The following RNF180 variants were observed in gnomAD, a reference collection of about 807,000 sequenced individuals.
The protein encoded by RNF180 is E3 ubiquitin-protein ligase RNF180.
Under a neutral mutation model 59.2 loss-of-function variants are expected in RNF180, and 38 were observed. The observed-to-expected ratio is 0.64, with a 90% confidence interval of 0.50 to 0.84. The LOEUF (loss-of-function observed/expected upper bound fraction) is 0.84. Among genes scored for constraint, RNF180 ranks in the 40% least tolerant of loss-of-function variants. The pLI is 0.00. For missense variants in RNF180, 705 were observed against 700.9 expected, an observed-to-expected ratio of 1.01 and a Z score of -0.07; for synonymous variants, 262 against 240.3, an observed-to-expected ratio of 1.09 and a Z score of -0.84.
chr5:64,323,639 T>C (rs1403872844), intron 5 of RNF180, among the ~76,000 whole-genome samples: 1 of 152,190 alleles, frequency 6.6e-6, no homozygotes, highest in Non-Finnish European at 1.5e-5. Context: ...AAAAACATTC[T>C]CAAGGCTTTA....
At chr5:64,369,011 G>A (rs1050260678) in intron 7 of RNF180, among the ~76,000 whole-genome samples, 3 of 151,876 alleles carry the variant, frequency 2.0e-5, no homozygotes, top group East Asian at 1.9e-4. Context: ...ACGTGCACAC[G>A]TATGTTTATT....
At position 64,188,117 on chromosome 5, in the gene RNF180, G is replaced by A. The variant is rs1435913512; in HGVS notation, c.1-12691G>A. Among the ~76,000 whole-genome samples, 5 of 152,120 alleles carry A rather than the reference G, an allele frequency of 3.3e-5. No individual in the cohort carries two copies. In the East Asian group the frequency reaches 9.6e-4, roughly 29 times the overall value. On this transcript the variant is annotated intron_variant, in intron 1 of 7. Coordinates refer to ENST00000389100, the MANE Select transcript of RNF180 (RefSeq NM_001113561.2). ...TTACAAAATAATTAATATCTGTGCAGCTCATCTGACAGAGTTATTATGTAT... is the reference window on the plus strand; with the variant it reads ...TTACAAAATAATTAATATCTGTGCAACTCATCTGACAGAGTTATTATGTAT...
At chr5:64,217,243 TATCC>T (rs1050266873) in intron 4 of RNF180, 114 bp from the exon 5 acceptor site, 5 of 1,168,268 alleles carry the variant, frequency 4.3e-6, no homozygotes, top group Non-Finnish European at 5.5e-6. Flanking sequence ...ATCCACAGTT[TATCC>T]ATTCAGCTGC....
intron 1 of RNF180, among the ~76,000 whole-genome samples, chr5:64,167,934 C>T (rs1194648926): frequency 6.6e-6 from 1 of 152,072 alleles, no homozygotes; most frequent in Admixed American, 6.6e-5. Context: ...TTGAACTCCA[C>T]GGAAGAAAGC....
At chr5:64,199,164 G>A (rs1751603268) in intron 1 of RNF180, among the ~76,000 whole-genome samples, 1 of 152,184 alleles carries the variant, frequency 6.6e-6, no homozygotes, top group Non-Finnish European at 1.5e-5. Context: ...TTAAAATGGA[G>A]TGGTCAACTG....
Position 64,369,682 on chromosome 5 carries a change from C to A in RNF180, c.1647C>A (p.Tyr549Ter), listed in dbSNP as rs1345274944. The change falls in exon 8 of 8, where the codon TAC (tyrosine) becomes TAA (stop). Residue 549 changes from tyrosine (Y) to a stop codon, truncating the protein, a stop_gained. Coordinates refer to ENST00000389100, the MANE Select transcript of RNF180 (RefSeq NM_001113561.2). LOFTEE classifies it high-confidence loss of function. ...CACACGGTGCACACAGGATGGATTACCTGCACTTTGAGGATGATAGCCGTG... is the reference window on the plus strand; with the variant it reads ...CACACGGTGCACACAGGATGGATTAACTGCACTTTGAGGATGATAGCCGTG... ...QFPHGAHRMD[Y>*]LHFEDDSRGW... 6.5e-7 allele frequency: 1 copy of A among 1,547,266 alleles called. No homozygotes were observed. Among genetic ancestry groups the A allele is most frequent in the African/African-American group, 1.4e-5 (1 of 72,696 alleles).
intron 5 of RNF180, among the ~76,000 whole-genome samples, chr5:64,228,884 G>A (rs1316787412): frequency 1.4e-5 from 2 of 141,674 alleles, no homozygotes; most frequent in Non-Finnish European, 3.1e-5. Flanking sequence ...AAAATTGAAT[G>A]ATAATCCATG....
At chr5:64,309,028 C>A (rs2112475778) in intron 5 of RNF180, among the ~76,000 whole-genome samples, 1 of 151,714 alleles carries the variant, frequency 6.6e-6, no homozygotes, top group East Asian at 1.9e-4. Flanking sequence ...ACCCTCCTTC[C>A]AGCCTAATCC....
chr5:64,226,688 T>G (rs1167883162), intron 5 of RNF180, among the ~76,000 whole-genome samples: 2 of 152,108 alleles, frequency 1.3e-5, no homozygotes, highest in South Asian at 2.1e-4. Context: ...AGAAAAAATT[T>G]TTGTTGTTTT....
At chr5:64,280,385 AG>A (rs1741947050) in intron 5 of RNF180, among the ~76,000 whole-genome samples, 1 of 152,112 alleles carries the variant, frequency 6.6e-6, no homozygotes, top group Non-Finnish European at 1.5e-5. Flanking sequence ...AATCTTTGCC[AG>A]GGCCTATGAC....
intron 1 of RNF180, among the ~76,000 whole-genome samples, chr5:64,168,604 T>C (rs1749771379): frequency 6.6e-6 from 1 of 152,204 alleles, no homozygotes; most frequent in Admixed American, 6.5e-5. Context: ...CAATGTTAGA[T>C]TGGGAGTGTA....
At chr5:64,360,474 A>G (rs1746209114) in intron 7 of RNF180, among the ~76,000 whole-genome samples, 1 of 151,764 alleles carries the variant, frequency 6.6e-6, no homozygotes, top group African/African-American at 2.4e-5. Context: ...AAAAACTGGA[A>G]GCATTCCCTT....
intron 5 of RNF180, among the ~76,000 whole-genome samples, chr5:64,323,449 G>A (rs1352553485): frequency 6.6e-6 from 1 of 152,080 alleles, no homozygotes; most frequent in Admixed American, 6.5e-5. Flanking sequence ...GCTGAGGCAG[G>A]ACAATCACTT....
At position 64,369,879 on chromosome 5, in the gene RNF180, T is replaced by G; in HGVS notation, c.*65T>G. Reference sequence around the variant, plus strand: ...TGTAAATAACAATTGCTTAAACATTTTTAAATGTGCTTTGAAGTTTTTTTA... The same window carrying G: ...TGTAAATAACAATTGCTTAAACATTGTTAAATGTGCTTTGAAGTTTTTTTA... On this transcript the variant is annotated 3_prime_UTR_variant, in exon 8 of 8. Coordinates refer to ENST00000389100, the MANE Select transcript of RNF180 (RefSeq NM_001113561.2). 1 of 948,828 alleles carries G rather than the reference T, an allele frequency of 1.1e-6. No homozygotes were observed. The highest frequency in any genetic ancestry group is 1.5e-6 in the Non-Finnish European group (1 of 676,290). The allele number at this position is 948,828 out of a possible 1,614,324, so 58.8% of individuals were successfully genotyped here.
At chr5:64,268,910 C>G (rs1266549810) in intron 5 of RNF180, among the ~76,000 whole-genome samples, 3 of 152,102 alleles carry the variant, frequency 2.0e-5, no homozygotes, top group Admixed American at 2.0e-4. Context: ...TATATTGATT[C>G]ATAGCACAGC....
chr5:64,307,056 C>G (rs1196018825), intron 5 of RNF180, among the ~76,000 whole-genome samples: 1 of 150,992 alleles, frequency 6.6e-6, no homozygotes, highest in Non-Finnish European at 1.5e-5. Context: ...AAAATATCCC[C>G]CCAAATTATT....
At chr5:64,207,324 T>A (rs1752065715) in intron 2 of RNF180, among the ~76,000 whole-genome samples, 1 of 152,130 alleles carries the variant, frequency 6.6e-6, no homozygotes, top group Non-Finnish European at 1.5e-5. Flanking sequence ...TCTGAGGAAG[T>A]GACCTGTGTA....
intron 2 of RNF180, among the ~76,000 whole-genome samples, chr5:64,207,115 AATC>A (rs1752056013): frequency 6.6e-6 from 1 of 151,828 alleles, no homozygotes; most frequent in African/African-American, 2.4e-5. Context: ...ATTATATTAT[AATC>A]ATATTAAAAG....
intron 7 of RNF180, among the ~76,000 whole-genome samples, chr5:64,345,595 C>T (rs1374474490): frequency 6.6e-6 from 1 of 152,074 alleles, no homozygotes; most frequent in Admixed American, 6.6e-5. Flanking sequence ...TGAAATTTTC[C>T]ACAATGTTCA....
Sources: gnomAD v4.1 joint callset for allele counts (sites outside exome capture counted in the v4.1 genomes callset) on GRCh38, gnomAD v4.1.1 for gene constraint, MANE v1.5 for transcripts, NCBI Gene and HGNC (gene_info 2026-07-23, HGNC 2026-07-21) for gene names.